The following PLCB3 variants were observed in gnomAD, a reference collection of about 807,000 sequenced individuals.
PLCB3 encodes 1-phosphatidylinositol 4,5-bisphosphate phosphodiesterase beta-3.
A neutral mutation model predicts 152.1 loss-of-function variants in PLCB3; 54 were observed. The ratio of observed to expected loss-of-function variants is 0.36; its 90% confidence interval spans 0.29 to 0.45. PLCB3 has a LOEUF of 0.45. PLCB3 is among the 20% of genes least tolerant of loss of function. The probability of loss-of-function intolerance (pLI) is 1.00; values close to 1 mark genes in which losing one functional copy is unlikely to be tolerated. For synonymous variants in PLCB3, 717 were observed against 698.7 expected, an observed-to-expected ratio of 1.03 and a Z score of -0.41; for missense variants, 1,248 against 1,687.5, an observed-to-expected ratio of 0.74 and a Z score of 4.56.
At chr11:64,261,805 G>A in intron 16 of PLCB3, 140 bp downstream of exon 16, 1 of 1,426,170 alleles carries the variant, frequency 7.0e-7, no homozygotes, top group Non-Finnish European at 9.8e-7. Context: ...CTGGGGCTTG[G>A]GCAGATCCAG....
chr11:64,265,318 C>G lies in PLCB3; in HGVS notation c.2851C>G (p.Pro951Ala), dbSNP rs988857946. The part of the protein sequence containing the change: ...LIASILSEVA[P>A]TPLDELRGHK... ...TGCTCTGCCGCTCCCAGAGGTGGCC[C>G]CCACCCCGCTGGATGAGCTCCGAGG... The change falls in exon 25 of 31, where the codon CCC becomes GCC. Residue 951 changes from proline to alanine, a missense_variant. This residue lies in a region of PLCB3 where 477 missense variants were observed against 489.6 expected (regional missense o/e 0.97). Transcript: ENST00000279230. The G allele has an allele frequency of 3.8e-6, 6 of 1,592,988 alleles. No individual in the cohort carries two copies. In the African/African-American group the frequency reaches 5.4e-5, roughly 14 times the overall value.
intron 13 of PLCB3, 22 bp downstream of exon 13, chr11:64,259,266 C>T (rs749648869): frequency 2.7e-6 from 4 of 1,483,384 alleles, no homozygotes; most frequent in Non-Finnish European, 3.6e-6. Flanking sequence ...CCCGGCCCGC[C>T]ACCCTGACTT....
chr11:64,266,440 G>C lies in PLCB3; in HGVS notation c.3356+36G>C. 1.2e-6 allele frequency: 2 copies of C among 1,600,410 alleles called. No individual in the cohort carries two copies. The highest frequency in any genetic ancestry group is 1.7e-6 in the Non-Finnish European group (2 of 1,167,814). ...CGGGACCGGGGGCCATCTGGGTACT[G>C]GGGAGGCAGGGCAGGTGTCTGGGCC... is the stretch of plus-strand genomic sequence containing the variant. On this transcript the variant is annotated intron_variant, in intron 28 of 30. Coordinates refer to ENST00000279230, the MANE Select transcript of PLCB3 (RefSeq NM_000932.5). This position sits in a 1 kb window ranked among gnomAD's most constrained non-coding sequence, Gnocchi z 4.9.
intron 13 of PLCB3, 61 bp from the exon 14 acceptor site, chr11:64,259,968 C>T (rs1448471821): frequency 4.9e-6 from 7 of 1,442,896 alleles, no homozygotes; most frequent in Non-Finnish European, 6.7e-6. Flanking sequence ...AAAAACCCCT[C>T]CAGACTTCCT....
rs1282924406 is a variant in PLCB3 at position 64,266,464 on chromosome 11, C to A, written c.3357-31C>A. On this transcript the variant is annotated intron_variant, in intron 28 of 30. Transcript: ENST00000279230. This position sits in a 1 kb window ranked among gnomAD's most constrained non-coding sequence, Gnocchi z 4.9. ...TGGGGAGGCAGGGCAGGTGTCTGGG[C>A]CCCGAGCCATCCTGCGTTGCTCCCG... 6 of 1,608,834 alleles carry A rather than the reference C, an allele frequency of 3.7e-6. No individual in the cohort carries two copies. The highest frequency in any genetic ancestry group is 5.1e-6 in the Non-Finnish European group (6 of 1,175,400).
intron 21 of PLCB3, 40 bp from the exon 22 acceptor site, chr11:64,263,981 G>A (rs763470369): frequency 1.3e-6 from 2 of 1,494,602 alleles, no homozygotes; most frequent in South Asian, 1.2e-5. Context: ...GTGGCCTGGG[G>A]GCTCTGTCTC....
Position 64,255,823 on chromosome 11 carries a change from T to C in PLCB3, c.698+2T>C. 1 of 1,604,442 alleles carries C rather than the reference T, an allele frequency of 6.2e-7. No individual in the cohort carries two copies. The highest frequency in any genetic ancestry group is 1.1e-5 in the South Asian group (1 of 90,904). On this transcript the variant is annotated splice_donor_variant, in intron 8 of 30. Coordinates refer to ENST00000279230, the MANE Select transcript of PLCB3 (RefSeq NM_000932.5). LOFTEE classifies it high-confidence loss of function. The surrounding 1 kb of genome is among the most constrained non-coding windows in gnomAD (Gnocchi z 6.8). ...CATTGACAAGATCCTGCTGGAGATG[T>C]GAGTGGGCCCGGCCTGCCTCACAAC... is the stretch of plus-strand genomic sequence containing the variant.
At position 64,267,628 on chromosome 11, in the gene PLCB3, CTTTTT is replaced by C. The variant is rs570819056; in HGVS notation, c.*85_*89del. The C allele has an allele frequency of 1.9e-5, 15 of 773,090 alleles. No individual in the cohort carries two copies. The highest frequency in any genetic ancestry group is 2.2e-5 in the Non-Finnish European group (11 of 510,792). 47.9% of individuals were successfully genotyped at this position (773,090 alleles called of 1,614,324 possible). A position where few individuals can be genotyped will look rare whatever the true frequency, so the allele number is the denominator to read the frequency against. On this transcript the variant is annotated 3_prime_UTR_variant, in exon 31 of 31. Coordinates refer to ENST00000279230, the MANE Select transcript of PLCB3 (RefSeq NM_000932.5). The surrounding 1 kb of genome is among the most constrained non-coding windows in gnomAD (Gnocchi z 5.2). Reference sequence around the variant, plus strand: ...AGGGCAGGAGGCAATGACACTAATGCTTTTTTTTTTTTTTTTTAACTTTTTATCTA... The same window carrying C: ...AGGGCAGGAGGCAATGACACTAATGCTTTTTTTTTTTTAACTTTTTATCTA...
At position 64,255,020 on chromosome 11, in the gene PLCB3, G is replaced by A. The variant is rs1293320646; in HGVS notation, c.369G>A (p.Val123=). The change falls in exon 4 of 31, where the codon GTG becomes GTA. Residue 123 remains valine, a synonymous_variant. Coordinates refer to ENST00000279230, the MANE Select transcript of PLCB3 (RefSeq NM_000932.5). The surrounding 1 kb of genome is among the most constrained non-coding windows in gnomAD (Gnocchi z 6.8). ...CAGTGTTCTTGAACTTCATGGCCGTGCAGGATGACACAGCCAAGGTGGGCT... is the reference window on the plus strand; with the variant it reads ...CAGTGTTCTTGAACTTCATGGCCGTACAGGATGACACAGCCAAGGTGGGCT... ...VNTVFLNFMA[V]QDDTAKVWSE... 1.3e-6 allele frequency: 2 copies of A among 1,570,038 alleles called. No individual in the cohort carries two copies. The highest frequency in any genetic ancestry group is 8.7e-7 in the Non-Finnish European group (1 of 1,154,860).
Position 64,267,179 on chromosome 11 carries a change from CT to C in PLCB3, c.3415-5del. The stretch of plus-strand genomic sequence containing the variant: ...CCCTCAGCTGAGCCCTTGCCCACCC[CT>C]GTAGCTGGAGGAGGCCCAGAAGCAG... On this transcript the variant is annotated splice_region_variant and splice_polypyrimidine_tract_variant and intron_variant, in intron 29 of 30. Coordinates refer to ENST00000279230, the MANE Select transcript of PLCB3 (RefSeq NM_000932.5). This position sits in a 1 kb window ranked among gnomAD's most constrained non-coding sequence, Gnocchi z 5.2. 6.5e-7 allele frequency: 1 copy of C among 1,549,708 alleles called. No homozygotes were observed. Among genetic ancestry groups the C allele is most frequent in the Non-Finnish European group, 8.7e-7 (1 of 1,146,922 alleles).
chr11:64,267,563 TGA>T lies in PLCB3; in HGVS notation c.*9_*10del. On this transcript the variant is annotated 3_prime_UTR_variant, in exon 31 of 31. Coordinates refer to ENST00000279230, the MANE Select transcript of PLCB3 (RefSeq NM_000932.5). This position sits in a 1 kb window ranked among gnomAD's most constrained non-coding sequence, Gnocchi z 5.2. ...GGAGAACACGCAGCTCTGAACTGGC[TGA>T]GCGAGGTGGCCACAGGGCCAGGGCG... is the stretch of plus-strand genomic sequence containing the variant. 1 of 1,556,262 alleles carries T rather than the reference TGA, an allele frequency of 6.4e-7. No individual in the cohort carries two copies. The highest frequency in any genetic ancestry group is 8.6e-7 in the Non-Finnish European group (1 of 1,156,374).
In PLCB3 at chr11:64,255,342, C is replaced by G. The variant is rs2302262; in HGVS notation, c.467+29C>G. The G allele has an allele frequency of 0.02, 31,815 of 1,613,472 alleles. 2,238 individuals are homozygous for G. Among genetic ancestry groups the G allele is most frequent in the African/African-American group, 0.16 (12,196 of 74,996 alleles). ...AGCCCCAGGCCACCCGAGGGGGAGC[C>G]GGGGGGTTCACGTGGCCGTTTTCAG... On this transcript the variant is annotated intron_variant, in intron 5 of 30. Coordinates refer to ENST00000279230, the MANE Select transcript of PLCB3 (RefSeq NM_000932.5). This position sits in a 1 kb window ranked among gnomAD's most constrained non-coding sequence, Gnocchi z 6.8.
At position 64,263,701 on chromosome 11, in the gene PLCB3, C is replaced by T. The variant is rs756943642; in HGVS notation, c.2466C>T (p.Tyr822=). 3.2e-5 allele frequency: 51 copies of T among 1,613,310 alleles called. No homozygotes were observed. The highest frequency in any genetic ancestry group is 8.0e-5 in the African/African-American group (6 of 74,936). Residue 822 remains tyrosine (Y), a synonymous_variant, in exon 21 of 31, where the codon TAC becomes TAT. Transcript: ENST00000279230. ...TTCCTGACCACCCAGGATACCACTACGTCTGCCTGCGGAACGAGGCCAACC... is the reference window on the plus strand; with the variant it reads ...TTCCTGACCACCCAGGATACCACTATGTCTGCCTGCGGAACGAGGCCAACC... ...PVSAIRSGYH[Y]VCLRNEANQP...
rs1555061406 is a variant in PLCB3, at chr11:64,257,016, T to TTCTTTTTTTTTTTTTTTTC, written c.1012+253_1012+254insCTTTTTTTTTTTTTTTTCT. Among the ~76,000 whole-genome samples, 14 of 120,680 alleles carry TTCTTTTTTTTTTTTTTTTC rather than the reference T, an allele frequency of 1.2e-4. 1 individual carries two copies. In the East Asian group the frequency reaches 3.3e-3, roughly 29 times the overall value. The allele number at this position is 120,680 out of a possible 152,430, so 79.2% of individuals were successfully genotyped here. On this transcript the variant is annotated intron_variant, in intron 10 of 30. Transcript: ENST00000279230. ...AGGGTCCTTTTTTTTTTTTTTTTTT[T>TTCTTTTTTTTTTTTTTTTC]TTTTTGAGACAGAGTTTCGCTCTTG...
chr11:64,257,619 TA>T (rs532982505), intron 10 of PLCB3, among the ~76,000 whole-genome samples: 24 of 143,080 alleles, frequency 1.7e-4, no homozygotes, highest in Non-Finnish European at 1.8e-4. Context: ...GACCCTTTTC[TA>T]AAAAAAAAAA....
chr11:64,254,552 C>A, intron 2 of PLCB3, 60 bp downstream of exon 2: 1 of 1,542,518 alleles, frequency 6.5e-7, no homozygotes, highest in South Asian at 1.1e-5. Flanking sequence ...AGACCCCTGC[C>A]CTGCCCGTGG....
chr11:64,267,682 G>A lies in PLCB3; in HGVS notation c.*126G>A, dbSNP rs2032198765. On this transcript the variant is annotated 3_prime_UTR_variant, in exon 31 of 31. Coordinates refer to ENST00000279230, the MANE Select transcript of PLCB3 (RefSeq NM_000932.5). This position sits in a 1 kb window ranked among gnomAD's most constrained non-coding sequence, Gnocchi z 5.2. ...TAGAAATTTTATTTTTTTAAACCCG[G>A]GGCAAGTACCTCAGCTAACTCCCTT... The A allele has an allele frequency of 3.8e-6, 3 of 793,056 alleles. No homozygotes were observed. Among genetic ancestry groups the A allele is most frequent in the Middle Eastern group, 3.7e-4 (1 of 2,680 alleles). 49.1% of individuals were successfully genotyped at this position (793,056 alleles called of 1,614,324 possible).
downstream of PLCB3, among the ~76,000 whole-genome samples, chr11:64,269,408 C>G (rs981376428): frequency 1.3e-5 from 2 of 152,370 alleles, no homozygotes; most frequent in Non-Finnish European, 2.9e-5. Flanking sequence ...AGCCCCCGCT[C>G]TGTCCGGGTC....
At position 64,255,411 on chromosome 11, in the gene PLCB3, G is replaced by A. The variant is rs1344666446; in HGVS notation, c.483G>A (p.Lys161=). The A allele has an allele frequency of 1.9e-6, 3 of 1,614,176 alleles. No homozygotes were observed. The South Asian group carries it at 3.3e-5, about 18-fold the overall frequency. ...GCCTTCCCAGATACACGAAGCTGAA[G>A]CTGCAGGTGAACCAGGATGGTCGGA... ...TFLRKAYTKL[K]LQVNQDGRIP... Residue 161 remains lysine, a synonymous_variant, in exon 6 of 31, where the codon AAG becomes AAA. Coordinates refer to ENST00000279230, the MANE Select transcript of PLCB3 (RefSeq NM_000932.5). The surrounding 1 kb of genome is among the most constrained non-coding windows in gnomAD (Gnocchi z 6.8).
Sources: gnomAD v4.1 joint callset for allele counts (sites outside exome capture counted in the v4.1 genomes callset) on GRCh38, gnomAD v4.1.1 for gene constraint, gnomAD v4.1.1 regional missense constraint, Gnocchi (gnomAD v3.1) non-coding constraint, MANE v1.5 for transcripts, NCBI Gene and HGNC (gene_info 2026-07-23, HGNC 2026-07-21) for gene names.